TRPM3: variants seen among roughly 807,000 people sequenced by gnomAD.
TRPM3 encodes the protein long transient receptor potential channel 3.
A neutral mutation model predicts 181.2 loss-of-function variants in TRPM3; 77 were observed. That is an observed-to-expected ratio of 0.42 (90% CI 0.35 to 0.51). The LOEUF (loss-of-function observed/expected upper bound fraction) is 0.51. Among genes scored for constraint, TRPM3 ranks in the 20% least tolerant of loss-of-function variants. The pLI, the probability that TRPM3 is intolerant of heterozygous loss-of-function variation, is 0.01. For missense variants in TRPM3, 1,759 were observed against 2,196.7 expected (o/e 0.80, Z 3.98); for synonymous variants, 745 against 796.4 (o/e 0.94, Z 1.09).
intron 8 of TRPM3, chr9:70,760,612 C>T (rs1400760489): frequency 2.6e-5 from 4 of 151,814 alleles, no homozygotes; most frequent in African/African-American, 4.8e-5. Context: ...AGGTTTCTCA[C>T]AAAGGCTGTG....
chr9:70,893,976 A>T (rs1418016808), intron 1 of TRPM3, among the ~76,000 whole-genome samples: 1 of 152,186 alleles, frequency 6.6e-6, no homozygotes, highest in African/African-American at 2.4e-5. Context: ...ATGCTTAAGG[A>T]TTTACTCCAC....
At chr9:70,985,705 G>A (rs2097413328) in intron 1 of TRPM3, among the ~76,000 whole-genome samples, 1 of 152,056 alleles carries the variant, frequency 6.6e-6, no homozygotes, top group African/African-American at 2.4e-5. Context: ...CCTTTTGGGA[G>A]GTATAAAAAT....
chr9:71,021,973 AG>A (rs1365520699), intron 1 of TRPM3, among the ~76,000 whole-genome samples: 2 of 152,206 alleles, frequency 1.3e-5, no homozygotes, highest in East Asian at 3.9e-4. Flanking sequence ...AACAAGTAAA[AG>A]GTGTTGCTTA....
chr9:70,865,167 C>T (rs4478638), intron 1 of TRPM3, among the ~76,000 whole-genome samples: 117,338 of 151,914 alleles, frequency 0.77, 45,506 homozygotes, highest in African/African-American at 0.8. Context: ...GCGCCCCACA[C>T]GCCCTTCAGC....
intron 1 of TRPM3, among the ~76,000 whole-genome samples, chr9:71,110,528 G>A (rs748910148): frequency 2.8e-4 from 43 of 152,142 alleles, no homozygotes; most frequent in Non-Finnish European, 1.2e-4. Flanking sequence ...GACGCATAGA[G>A]TAGTTACAAT....
At chr9:71,396,825 G>A (rs929058393) in intron 1 of TRPM3, among the ~76,000 whole-genome samples, 3 of 151,930 alleles carry the variant, frequency 2.0e-5, no homozygotes, top group African/African-American at 7.3e-5. Context: ...AATTTGCCAG[G>A]CATGGTGGCA....
At chr9:71,438,241 A>G (rs190593730) in intron 1 of TRPM3, among the ~76,000 whole-genome samples, 6 of 152,378 alleles carry the variant, frequency 3.9e-5, no homozygotes, top group Non-Finnish European at 8.8e-5. Flanking sequence ...AAGGAAAATT[A>G]TAATGTGTCC....
chr9:71,394,886 A>C (rs1409505252), intron 1 of TRPM3, among the ~76,000 whole-genome samples: 1 of 152,174 alleles, frequency 6.6e-6, no homozygotes, highest in Admixed American at 6.5e-5. Context: ...AAAAGGCCAA[A>C]ATTCAAACTG....
At chr9:70,545,594 T>C (rs536153472) in intron 25 of TRPM3, among the ~76,000 whole-genome samples, 1 of 139,044 alleles carries the variant, frequency 7.2e-6, no homozygotes, top group African/African-American at 2.6e-5. Flanking sequence ...TCGTCCAGGC[T>C]AGAGCGCAGT....
intron 6 of TRPM3, among the ~76,000 whole-genome samples, chr9:70,823,837 A>T (rs1245811205): frequency 6.6e-6 from 1 of 152,232 alleles, no homozygotes. Flanking sequence ...AAGTTTAAAA[A>T]ACTGTAGATG....
At chr9:71,219,701 C>A (rs184874377) in intron 1 of TRPM3, among the ~76,000 whole-genome samples, 4 of 152,232 alleles carry the variant, frequency 2.6e-5, no homozygotes, top group African/African-American at 9.6e-5. Flanking sequence ...ATGGTATGAA[C>A]AACATTAATC....
Position 70,536,595 on chromosome 9 carries a change from G to C in TRPM3, c.4518C>G (p.His1506Gln), listed in dbSNP as rs1484082737. ...NPWDSEPPMY[H>Q]TIERSKSSRY... Reference sequence around the variant, plus strand: ...GGCTACTTTTGGAACGCTCAATGGTGTGGTACATCGGAGGCTCTGAGTCCC... The same window carrying C: ...GGCTACTTTTGGAACGCTCAATGGTCTGGTACATCGGAGGCTCTGAGTCCC... Residue 1506 changes from histidine to glutamine, a missense_variant, in exon 26 of 26, where the codon CAC becomes CAG. Around this residue, in one of 8 missense-constraint regions of TRPM3, gnomAD observed 612 missense variants for 590.0 expected, o/e 1.04. Coordinates refer to ENST00000677713, the MANE Select transcript of TRPM3 (RefSeq NM_001366145.2). The C allele has an allele frequency of 3.1e-6, 5 of 1,614,144 alleles. No individual in the cohort carries two copies. Among genetic ancestry groups the C allele is most frequent in the Non-Finnish European group, 4.2e-6 (5 of 1,180,008 alleles).
chr9:70,794,022 C>G (rs1296469861), intron 6 of TRPM3, among the ~76,000 whole-genome samples: 1 of 152,082 alleles, frequency 6.6e-6, no homozygotes, highest in African/African-American at 2.4e-5. Context: ...TTGGACATAA[C>G]CCCATCATAA....
chr9:70,651,699 C>T (rs2059613201), intron 9 of TRPM3, among the ~76,000 whole-genome samples: 1 of 152,204 alleles, frequency 6.6e-6, no homozygotes, highest in African/African-American at 2.4e-5. Flanking sequence ...ATAGCTCCTG[C>T]ATGTACAAAC....
chr9:70,533,352 TG>T lies in TRPM3; in HGVS notation c.*2600del, dbSNP rs2041148983. On this transcript the variant is annotated 3_prime_UTR_variant, in exon 26 of 26. Transcript: ENST00000677713. ...ACTTAAAATCATCAACATGTTAGGATGTAAGTGCATTAAATTGGCAACATCT... is the reference window on the plus strand; with the variant it reads ...ACTTAAAATCATCAACATGTTAGGATTAAGTGCATTAAATTGGCAACATCT... 6.6e-6 allele frequency: 1 copy of T among 152,208 alleles called. No homozygotes were observed. Among genetic ancestry groups the T allele is most frequent in the Non-Finnish European group, 1.5e-5 (1 of 68,038 alleles). The allele number at this position is 152,208 out of a possible 1,614,324, so 9.4% of individuals were successfully genotyped here.
chr9:70,822,634 T>C (rs1212384834), intron 6 of TRPM3, among the ~76,000 whole-genome samples: 1 of 152,112 alleles, frequency 6.6e-6, no homozygotes, highest in Non-Finnish European at 1.5e-5. Context: ...ATGGTGGTGA[T>C]CATTGCACAA....
At chr9:70,589,269 G>A (rs943633750) in intron 22 of TRPM3, among the ~76,000 whole-genome samples, 1 of 152,092 alleles carries the variant, frequency 6.6e-6, no homozygotes, top group African/African-American at 2.4e-5. Context: ...CAGCCAGATG[G>A]TGGTGTTTGT....
chr9:71,027,354 T>G (rs1416084753), intron 1 of TRPM3, among the ~76,000 whole-genome samples: 2 of 152,172 alleles, frequency 1.3e-5, no homozygotes, highest in African/African-American at 2.4e-5. Flanking sequence ...AAGGAACGTC[T>G]GCCTACAAAG....
intron 1 of TRPM3, among the ~76,000 whole-genome samples, chr9:71,391,610 T>C (rs1002949417): frequency 6.6e-6 from 1 of 152,104 alleles, no homozygotes; most frequent in African/African-American, 2.4e-5. Flanking sequence ...TAAACAAATA[T>C]TTAGCTATAA....
Sources: allele counts gnomAD v4.1 joint callset (sites outside exome capture counted in the v4.1 genomes callset), GRCh38; gene constraint gnomAD v4.1.1; regional missense constraint gnomAD v4.1.1; transcripts MANE v1.5; gene names NCBI Gene and HGNC (gene_info 2026-07-23, HGNC 2026-07-21).